Variants in PTPN14 observed in about 807,000 individuals in gnomAD.
PTPN14 encodes protein tyrosine phosphatase non-receptor type 14, also known as tyrosine-protein phosphatase non-receptor type 14.
Under a neutral mutation model 126.8 loss-of-function variants are expected in PTPN14, and 53 were observed. That is an observed-to-expected ratio of 0.42 (90% CI 0.34 to 0.53). PTPN14 has a LOEUF of 0.53. Among genes scored for constraint, PTPN14 ranks in the 20% least tolerant of loss-of-function variants. PTPN14 has a pLI of 0.08. For missense variants in PTPN14, 1,257 were observed against 1,552.9 expected, an observed-to-expected ratio of 0.81 and a Z score of 3.20; for synonymous variants, 630 against 599.3, an observed-to-expected ratio of 1.05 and a Z score of -0.75.
At chr1:214,394,309 C>T (rs1658825668) in intron 9 of PTPN14, among the ~76,000 whole-genome samples, 6 of 152,268 alleles carry the variant, frequency 3.9e-5, no homozygotes, top group Non-Finnish European at 2.9e-5. Context: ...CTGAGGAAGG[C>T]GGCACACCAG....
intron 1 of PTPN14, among the ~76,000 whole-genome samples, chr1:214,533,882 T>C (rs1039910681): frequency 2.0e-5 from 3 of 147,400 alleles, no homozygotes; most frequent in Non-Finnish European, 4.5e-5. Flanking sequence ...AAAAAAAAAG[T>C]AGTATACTGA....
intron 1 of PTPN14, among the ~76,000 whole-genome samples, chr1:214,534,923 C>G (rs961533997): frequency 6.6e-6 from 1 of 151,986 alleles, no homozygotes; most frequent in Non-Finnish European, 1.5e-5. Context: ...TCACCATCCC[C>G]TCGCACAACA....
At chr1:214,494,131 C>T (rs1001051793) in intron 1 of PTPN14, among the ~76,000 whole-genome samples, 1 of 151,994 alleles carries the variant, frequency 6.6e-6, no homozygotes, top group African/African-American at 2.4e-5. Flanking sequence ...AGTGCAGTGG[C>T]GCGATCTCAG....
At position 214,356,084 on chromosome 1, in the gene PTPN14, G is replaced by A. The variant is rs1022643354; in HGVS notation, c.*1838C>T. ...GGTGATCCTCCTGCCTCAGCCTCCC[G>A]AGCAGCTGGGACTACCAGGGCATAC... On this transcript the variant is annotated 3_prime_UTR_variant, in exon 19 of 19. Transcript: ENST00000366956. The A allele has an allele frequency of 4.0e-5, 6 of 150,616 alleles. No individual in the cohort carries two copies. Among genetic ancestry groups the A allele is most frequent in the South Asian group, 2.1e-4 (1 of 4,728 alleles). 9.3% of individuals were successfully genotyped at this position (150,616 alleles called of 1,614,324 possible). A position where few individuals can be genotyped will look rare whatever the true frequency, so the allele number is the denominator to read the frequency against.
chr1:214,497,405 G>C (rs972799274), intron 1 of PTPN14, among the ~76,000 whole-genome samples: 2 of 152,174 alleles, frequency 1.3e-5, no homozygotes, highest in Admixed American at 6.5e-5. Flanking sequence ...GATGAGGATA[G>C]TGAGGCTATT....
chr1:214,407,847 C>A (rs895733021), intron 5 of PTPN14, among the ~76,000 whole-genome samples: 1 of 152,146 alleles, frequency 6.6e-6, no homozygotes, highest in Non-Finnish European at 1.5e-5. Context: ...CAGCAGTTCT[C>A]AAAGTGTGGG....
At chr1:214,512,345 T>C (rs1654997900) in intron 1 of PTPN14, among the ~76,000 whole-genome samples, 3 of 152,194 alleles carry the variant, frequency 2.0e-5, no homozygotes, top group Non-Finnish European at 1.5e-5. Context: ...TAACCAATCC[T>C]GCTGCTTCTC....
intron 3 of PTPN14, among the ~76,000 whole-genome samples, chr1:214,437,357 T>C (rs1376891363): frequency 6.6e-6 from 1 of 152,096 alleles, no homozygotes; most frequent in Non-Finnish European, 1.5e-5. Context: ...TGGGAAGTTG[T>C]GTTTAAGGTT....
At chr1:214,434,623 AGTGTG>A (rs1421547093) in intron 3 of PTPN14, among the ~76,000 whole-genome samples, 2 of 152,204 alleles carry the variant, frequency 1.3e-5, no homozygotes, top group Admixed American at 1.3e-4. Flanking sequence ...GAAAAAGCAA[AGTGTG>A]GTTGGAAATC....
At chr1:214,423,553 T>C (rs1008737773) in intron 3 of PTPN14, among the ~76,000 whole-genome samples, 1 of 152,222 alleles carries the variant, frequency 6.6e-6, no homozygotes, top group African/African-American at 2.4e-5. Context: ...CTTTGTTTAC[T>C]GGCCAGTCTA....
intron 1 of PTPN14, among the ~76,000 whole-genome samples, chr1:214,550,837 C>G (rs563601889): frequency 2.0e-4 from 30 of 152,318 alleles, no homozygotes; most frequent in African/African-American, 6.7e-4. Context: ...CCCCCAAGGT[C>G]TAGGTATCTC....
chr1:214,476,392 C>A (rs1182875445), intron 1 of PTPN14, among the ~76,000 whole-genome samples: 1 of 152,204 alleles, frequency 6.6e-6, no homozygotes, highest in Non-Finnish European at 1.5e-5. Context: ...GAGGTGCGCC[C>A]TGCAGGGACA....
At chr1:214,498,596 A>G (rs1654604883) in intron 1 of PTPN14, among the ~76,000 whole-genome samples, 1 of 152,202 alleles carries the variant, frequency 6.6e-6, no homozygotes. Flanking sequence ...CCAAATATGC[A>G]TATATACTTA....
intron 2 of PTPN14, among the ~76,000 whole-genome samples, chr1:214,460,905 T>C (rs56744050): frequency 0.012 from 1,826 of 152,206 alleles, 32 homozygotes; most frequent in African/African-American, 0.042. Context: ...TGTCCAAACC[T>C]ACAGAATGTA....
intron 9 of PTPN14, among the ~76,000 whole-genome samples, chr1:214,394,430 T>TG (rs913275475): frequency 1.3e-5 from 2 of 152,172 alleles, no homozygotes; most frequent in Non-Finnish European, 2.9e-5. Context: ...TTTTGTGAGA[T>TG]GGAGTCTAGC....
intron 5 of PTPN14, among the ~76,000 whole-genome samples, chr1:214,409,645 G>C (rs1659254641): frequency 6.6e-6 from 1 of 152,110 alleles, no homozygotes; most frequent in South Asian, 2.1e-4. Flanking sequence ...CCTCTACACT[G>C]TTTTCCAAAA....
intron 1 of PTPN14, among the ~76,000 whole-genome samples, chr1:214,525,962 CTTTT>C (rs34019620): frequency 3.8e-5 from 5 of 130,052 alleles, no homozygotes; most frequent in South Asian, 2.5e-4. Flanking sequence ...CTAAAGTCAA[CTTTT>C]TTTTTTTTTT....
In PTPN14 at chr1:214,471,399, A is replaced by T. The variant is rs150729965; in HGVS notation, c.-154-6442T>A. Among the ~76,000 whole-genome samples, 268 of 152,340 alleles carry T rather than the reference A, an allele frequency of 1.8e-3. 1 individual carries two copies. The highest frequency in any genetic ancestry group is 6.8e-3 in the Middle Eastern group (2 of 294). ...AATGGCAAAGTACTTATCCTCTTTT[A>T]GCCTCAGTCTACTCACTTATGAAGT... is the stretch of plus-strand genomic sequence containing the variant. On this transcript the variant is annotated intron_variant, in intron 1 of 18. Coordinates refer to ENST00000366956, the MANE Select transcript of PTPN14 (RefSeq NM_005401.5).
At chr1:214,516,904 C>T (rs771591015) in intron 1 of PTPN14, among the ~76,000 whole-genome samples, 4 of 152,102 alleles carry the variant, frequency 2.6e-5, no homozygotes, top group African/African-American at 4.8e-5. Flanking sequence ...ACCTACGCTA[C>T]GCACCAGGCA....
Sources: gnomAD v4.1 joint callset for allele counts (sites outside exome capture counted in the v4.1 genomes callset) on GRCh38, gnomAD v4.1.1 for gene constraint, MANE v1.5 for transcripts, NCBI Gene and HGNC (gene_info 2026-07-23, HGNC 2026-07-21) for gene names.